TAF13: variants seen among roughly 807,000 people sequenced by gnomAD.
TAF13 encodes the protein TATA-box binding protein associated factor 13, also known as transcription initiation factor TFIID subunit 13.
In TAF13, 9 loss-of-function variants were observed where a neutral mutation model predicts 18.7. That is an observed-to-expected ratio of 0.48 (90% CI 0.29 to 0.84). The LOEUF (loss-of-function observed/expected upper bound fraction) is 0.84. TAF13 is among the 40% of genes least tolerant of loss of function. The pLI, the probability that TAF13 is intolerant of heterozygous loss-of-function variation, is 0.08. For missense variants in TAF13, 105 were observed against 146.5 expected (o/e 0.72, Z 1.46); for synonymous variants, 49 against 44.1 (o/e 1.11, Z -0.44).
intron 2 of TAF13, among the ~76,000 whole-genome samples, chr1:109,074,028 T>C (rs967785279): frequency 1.3e-5 from 2 of 152,038 alleles, no homozygotes; most frequent in Admixed American, 6.6e-5. Context: ...CGCCCGCATC[T>C]GGGAAGTAAG....
rs1366731781 is a variant in TAF13, at chr1:109,066,199, T to C, written c.140A>G (p.Gln47Arg). Residue 47 changes from glutamine (Q) to arginine (R), a missense_variant, in exon 3 of 4, where the codon CAG becomes CGG. Gln to Arg is a conservative substitution (Grantham distance 43). Coordinates refer to ENST00000338366, the MANE Select transcript of TAF13 (RefSeq NM_005645.4). Reference sequence around the variant, plus strand: ...ATCCACTGACTCAGTATAAGGATTCTGGTCATCCCCAAAGCCATACATCAT... The same window carrying C: ...ATCCACTGACTCAGTATAAGGATTCCGGTCATCCCCAAAGCCATACATCAT... ...RCMMYGFGDDQNPYTESVDIL... is the reference protein window; with the variant it reads ...RCMMYGFGDDRNPYTESVDIL... The C allele has an allele frequency of 1.2e-6, 2 of 1,612,888 alleles. No individual in the cohort carries two copies. Among genetic ancestry groups the C allele is most frequent in the African/African-American group, 1.3e-5 (1 of 74,882 alleles).
intron 2 of TAF13, among the ~76,000 whole-genome samples, chr1:109,070,702 AT>A (rs145850948): frequency 0.089 from 13,385 of 150,810 alleles, 661 homozygotes; most frequent in Middle Eastern, 0.11. Flanking sequence ...TCCCCCCCAA[AT>A]TTTTTTTTTA....
chr1:109,072,552 C>T (rs1664094876), intron 2 of TAF13, among the ~76,000 whole-genome samples: 1 of 151,582 alleles, frequency 6.6e-6, no homozygotes, highest in African/African-American at 2.4e-5. Flanking sequence ...TCAAGCCATC[C>T]TCTCACCTCA....
intron 2 of TAF13, among the ~76,000 whole-genome samples, chr1:109,067,565 G>A (rs1256929884): frequency 6.6e-6 from 1 of 152,090 alleles, no homozygotes; most frequent in Non-Finnish European, 1.5e-5. Context: ...AGCTGAGAAT[G>A]CGCCACTGCA....
At chr1:109,071,595 AGAGT>A (rs1270239100) in intron 2 of TAF13, among the ~76,000 whole-genome samples, 2 of 151,968 alleles carry the variant, frequency 1.3e-5, no homozygotes, top group Non-Finnish European at 1.5e-5. Flanking sequence ...CAGTGACAGA[AGAGT>A]GAGACCCTGT....
At chr1:109,068,301 A>AT (rs1202151424) in intron 2 of TAF13, among the ~76,000 whole-genome samples, 4 of 151,876 alleles carry the variant, frequency 2.6e-5, no homozygotes, top group Non-Finnish European at 5.9e-5. Flanking sequence ...CACCCAGCTA[A>AT]TTTTTTTGTA....
chr1:109,072,780 CTTT>C (rs58964826), intron 2 of TAF13, among the ~76,000 whole-genome samples: 17,852 of 130,372 alleles, frequency 0.14, 1,239 homozygotes, highest in Middle Eastern at 0.22. Context: ...GATTCACCAC[CTTT>C]TTTTTTTTTT....
chr1:109,075,044 T>C lies in TAF13; in HGVS notation c.49A>G (p.Ile17Val). ...DPTFEEENEE[I>V]GGGAEGGQGK... Reference sequence around the variant, plus strand: ...TGTCCACCTTCTGCACCTCCTCCAATTTCTTCATTTTCTTCCTCAAACTAG... The same window carrying C: ...TGTCCACCTTCTGCACCTCCTCCAACTTCTTCATTTTCTTCCTCAAACTAG... The change falls in exon 2 of 4, where the codon ATT (isoleucine) becomes GTT (valine). Residue 17 changes from isoleucine (I) to valine (V), a missense_variant. Coordinates refer to ENST00000338366, the MANE Select transcript of TAF13 (RefSeq NM_005645.4). The C allele has an allele frequency of 6.2e-7, 1 of 1,607,782 alleles. No homozygotes were observed. Among genetic ancestry groups the C allele is most frequent in the Non-Finnish European group, 8.5e-7 (1 of 1,178,236 alleles).
chr1:109,068,974 C>A lies in TAF13; in HGVS notation c.107-2742G>T, dbSNP rs563861511. Reference sequence around the variant, plus strand: ...CTGAGATCATGCCAATGCATTCCAACCTGGGCGAAAGAGGGAGACTCTGCC... The same window carrying A: ...CTGAGATCATGCCAATGCATTCCAAACTGGGCGAAAGAGGGAGACTCTGCC... On this transcript the variant is annotated intron_variant, in intron 2 of 3. Transcript: ENST00000338366. 1.1e-4 allele frequency among the ~76,000 whole-genome samples: 16 copies of A among 152,276 alleles called. No individual in the cohort carries two copies. In the South Asian group the frequency reaches 2.7e-3, roughly 26 times the overall value.
intron 2 of TAF13, among the ~76,000 whole-genome samples, chr1:109,069,556 T>C (rs529519434): frequency 1.3e-5 from 2 of 152,140 alleles, no homozygotes; most frequent in South Asian, 2.1e-4. Context: ...ACCCATGACA[T>C]AGAGAGCCGA....
intron 2 of TAF13, among the ~76,000 whole-genome samples, chr1:109,073,403 C>G (rs1298202910): frequency 5.3e-5 from 8 of 152,070 alleles, no homozygotes; most frequent in Admixed American, 3.3e-4. Flanking sequence ...TCTCCCTCCC[C>G]CTCCCCCTCG....
chr1:109,065,121 T>A (rs1014112291), intron 3 of TAF13, among the ~76,000 whole-genome samples: 1 of 152,208 alleles, frequency 6.6e-6, no homozygotes, highest in African/African-American at 2.4e-5. Context: ...TGTCATTATA[T>A]ACTCACCTGT....
intron 2 of TAF13, among the ~76,000 whole-genome samples, chr1:109,070,391 C>G (rs34928492): frequency 0.13 from 19,540 of 151,838 alleles, 1,320 homozygotes; most frequent in Middle Eastern, 0.23. Context: ...GCTAATTTTT[C>G]TATTTTTAGT....
chr1:109,067,350 C>T (rs1663968135), intron 2 of TAF13, among the ~76,000 whole-genome samples: 1 of 151,926 alleles, frequency 6.6e-6, no homozygotes, highest in African/African-American at 2.4e-5. Flanking sequence ...CGCCTGTAAT[C>T]CCAGCACTTC....
At chr1:109,074,799 T>C (rs955440430) in intron 2 of TAF13, among the ~76,000 whole-genome samples, 188 bp downstream of exon 2, 3 of 148,996 alleles carry the variant, frequency 2.0e-5, no homozygotes, top group African/African-American at 7.5e-5. Flanking sequence ...AAAAAAGCAA[T>C]TTATACACAC....
In TAF13 at chr1:109,066,217, T is replaced by C. The variant is rs773661572; in HGVS notation, c.122A>G (p.Tyr41Cys). Residue 41 changes from tyrosine (Y) to cysteine (C), a missense_variant, in exon 3 of 4, where the codon TAT (tyrosine) becomes TGT (cysteine). Tyr to Cys is a radical substitution (Grantham distance 194). Transcript: ENST00000338366. ...AGGATTCTGGTCATCCCCAAAGCCATACATCATACATCGCACTGTAAAAGA... is the reference window on the plus strand; with the variant it reads ...AGGATTCTGGTCATCCCCAAAGCCACACATCATACATCGCACTGTAAAAGA... ...LFSKELRCMM[Y>C]GFGDDQNPYT... The C allele has an allele frequency of 3.1e-6, 5 of 1,608,474 alleles. No individual in the cohort carries two copies. Among genetic ancestry groups the C allele is most frequent in the Admixed American group, 1.7e-5 (1 of 58,172 alleles).
intron 2 of TAF13, among the ~76,000 whole-genome samples, chr1:109,067,537 G>A (rs367754916): frequency 1.3e-5 from 2 of 152,176 alleles, no homozygotes; most frequent in East Asian, 3.9e-4. Flanking sequence ...TTGAATCCAG[G>A]AGGCAGAGGT....
At chr1:109,068,118 G>A (rs576479061) in intron 2 of TAF13, among the ~76,000 whole-genome samples, 2 of 152,248 alleles carry the variant, frequency 1.3e-5, no homozygotes, top group South Asian at 2.1e-4. Context: ...ACAGACACAT[G>A]CCACTATGCC....
intron 2 of TAF13, among the ~76,000 whole-genome samples, chr1:109,069,054 T>G (rs1408952472): frequency 6.6e-6 from 1 of 152,110 alleles, no homozygotes; most frequent in Non-Finnish European, 1.5e-5. Context: ...ACGGAAAAAT[T>G]TTATACATTA....
Sources: allele counts gnomAD v4.1 joint callset (sites outside exome capture counted in the v4.1 genomes callset), GRCh38; gene constraint gnomAD v4.1.1; transcripts MANE v1.5; gene names NCBI Gene and HGNC (gene_info 2026-07-23, HGNC 2026-07-21).